The following LSAMP variants were observed in gnomAD, a reference collection of about 807,000 sequenced individuals.
LSAMP encodes the protein limbic system associated membrane protein.
LSAMP carries 7 observed loss-of-function variants against 38.6 expected under a neutral mutation model. The observed-to-expected ratio is 0.18, with a 90% confidence interval of 0.10 to 0.34. The LOEUF is 0.34. Among genes scored for constraint, LSAMP ranks in the 10% least tolerant of loss-of-function variants. LSAMP has a pLI of 1.00. For missense variants in LSAMP, 313 were observed against 420.0 expected (o/e 0.75, Z 2.23); for synonymous variants, 154 against 166.8 (o/e 0.92, Z 0.59).
chr3:116,375,806 G>A (rs963489801), intron 1 of LSAMP, among the ~76,000 whole-genome samples: 3 of 151,652 alleles, frequency 2.0e-5, no homozygotes, highest in Non-Finnish European at 2.9e-5. Context: ...TTCATCATTC[G>A]ACTCTCTTTA....
chr3:115,854,503 C>T (rs1455857734), intron 3 of LSAMP, among the ~76,000 whole-genome samples: 1 of 151,838 alleles, frequency 6.6e-6, no homozygotes, highest in East Asian at 1.9e-4. Flanking sequence ...AAGATGGTCT[C>T]GATCTCCTAA....
chr3:116,302,640 T>C (rs1274108644), intron 1 of LSAMP, among the ~76,000 whole-genome samples: 2 of 152,246 alleles, frequency 1.3e-5, no homozygotes, highest in African/African-American at 4.8e-5. Context: ...TATGGTGTTT[T>C]ATCACGTGTT....
chr3:116,241,770 G>T (rs1418086443), intron 1 of LSAMP, among the ~76,000 whole-genome samples: 1 of 152,166 alleles, frequency 6.6e-6, no homozygotes. Context: ...AGCAAATGTT[G>T]TCCACTGCAT....
At chr3:116,209,380 G>T (rs546095200) in intron 1 of LSAMP, among the ~76,000 whole-genome samples, 1 of 152,232 alleles carries the variant, frequency 6.6e-6, no homozygotes, top group Non-Finnish European at 1.5e-5. Context: ...CACGCTGGGA[G>T]CTGTAGACCG....
In LSAMP at chr3:115,807,334, C is replaced by A. The variant is rs1309034222; in HGVS notation, c.*2983G>T. On this transcript the variant is annotated 3_prime_UTR_variant, in exon 7 of 7. Transcript: ENST00000490035. ...ACAATGTTTTCTCTGAAACAGGAAC[C>A]AGAAGCAAATTTTTAAAATTTCAAG... 1.3e-5 allele frequency: 2 copies of A among 152,200 alleles called. No homozygotes were observed. The highest frequency in any genetic ancestry group is 2.4e-5 in the African/African-American group (1 of 41,534). 9.4% of individuals were successfully genotyped at this position (152,200 alleles called of 1,614,324 possible). A position where few individuals can be genotyped will look rare whatever the true frequency, so the allele number is the denominator to read the frequency against.
chr3:116,083,030 A>T (rs1162295814), intron 2 of LSAMP, among the ~76,000 whole-genome samples: 7 of 152,160 alleles, frequency 4.6e-5, no homozygotes, highest in Non-Finnish European at 7.3e-5. Flanking sequence ...TAATTTTTTT[A>T]AAAAAGAAGC....
intron 1 of LSAMP, among the ~76,000 whole-genome samples, chr3:116,281,946 T>G (rs1259010589): frequency 6.6e-6 from 1 of 152,200 alleles, no homozygotes; most frequent in African/African-American, 2.4e-5. Context: ...TAATTAACCT[T>G]CTGACACTGT....
At chr3:115,837,018 T>A (rs529901578) in intron 6 of LSAMP, among the ~76,000 whole-genome samples, 1 of 152,194 alleles carries the variant, frequency 6.6e-6, no homozygotes, top group South Asian at 2.1e-4. Context: ...CTGAGCTCAT[T>A]ACAGGCTTCA....
At chr3:116,273,705 T>TACACAC in intron 1 of LSAMP, among the ~76,000 whole-genome samples, 1 of 113,598 alleles carries the variant, frequency 8.8e-6, no homozygotes, top group South Asian at 2.5e-4. Flanking sequence ...TATATATATA[T>TACACAC]ATACACACAC....
rs377362832 is a variant in LSAMP, at chr3:115,804,054, A to G, written c.*6263T>C. On this transcript the variant is annotated 3_prime_UTR_variant, in exon 7 of 7. Transcript: ENST00000490035. ...CAAGGAAACAACCCCAGCTATGTCA[A>G]TGTCCTTAGTGTAATTTGAATGTGT... The G allele has an allele frequency of 6.6e-6, 1 of 152,214 alleles. No individual in the cohort carries two copies. Among genetic ancestry groups the G allele is most frequent in the East Asian group, 1.9e-4 (1 of 5,202 alleles). 9.4% of individuals were successfully genotyped at this position (152,214 alleles called of 1,614,324 possible). A position where few individuals can be genotyped will look rare whatever the true frequency, so the allele number is the denominator to read the frequency against.
At chr3:115,990,031 G>T (rs527690379) in intron 3 of LSAMP, among the ~76,000 whole-genome samples, 160 of 152,172 alleles carry the variant, frequency 1.1e-3, no homozygotes, top group African/African-American at 3.6e-3. Context: ...GAGCTACAGA[G>T]ATTTCTGAAC....
chr3:115,846,037 A>G (rs1028957887), intron 4 of LSAMP, among the ~76,000 whole-genome samples: 2 of 152,176 alleles, frequency 1.3e-5, no homozygotes, highest in Non-Finnish European at 2.9e-5. Context: ...TTATTTTTTC[A>G]TGGCTTATTG....
rs569899401 is a variant in LSAMP at position 115,818,559 on chromosome 3, A to G, written c.920-8145T>C. On this transcript the variant is annotated intron_variant, in intron 6 of 6. Coordinates refer to ENST00000490035, the MANE Select transcript of LSAMP (RefSeq NM_002338.5). ...TAAATTTGTGCTATGAATTAGATCAATTAATCAACATACTATACTTACAAT... is the reference window on the plus strand; with the variant it reads ...TAAATTTGTGCTATGAATTAGATCAGTTAATCAACATACTATACTTACAAT... 1.0e-3 allele frequency among the ~76,000 whole-genome samples: 156 copies of G among 151,824 alleles called. 1 individual carries two copies. The highest frequency in any genetic ancestry group is 3.6e-3 in the African/African-American group (151 of 41,438).
chr3:115,810,187 AAC>A lies in LSAMP; in HGVS notation c.*128_*129del. Reference sequence around the variant, plus strand: ...TTTCTTATTTCCCCCTTCATGTATAAACACACAAAGTTGTGAAATAAACGGTC... The same window carrying A: ...TTTCTTATTTCCCCCTTCATGTATAAACACAAAGTTGTGAAATAAACGGTC... On this transcript the variant is annotated 3_prime_UTR_variant, in exon 7 of 7. Coordinates refer to ENST00000490035, the MANE Select transcript of LSAMP (RefSeq NM_002338.5). 4.8e-6 allele frequency: 3 copies of A among 627,684 alleles called. No homozygotes were observed. Among genetic ancestry groups the A allele is most frequent in the Non-Finnish European group, 5.5e-6 (2 of 361,414 alleles). 38.9% of individuals were successfully genotyped at this position (627,684 alleles called of 1,614,324 possible). A position where few individuals can be genotyped will look rare whatever the true frequency, so the allele number is the denominator to read the frequency against.
intron 1 of LSAMP, among the ~76,000 whole-genome samples, chr3:116,383,141 A>C (rs2048583478): frequency 6.6e-6 from 1 of 152,130 alleles, no homozygotes; most frequent in African/African-American, 2.4e-5. Flanking sequence ...ATAAATGAGA[A>C]ACTCTTCTGC....
In LSAMP at chr3:115,808,036, T is replaced by A. The variant is rs1933669725; in HGVS notation, c.*2281A>T. On this transcript the variant is annotated 3_prime_UTR_variant, in exon 7 of 7. Coordinates refer to ENST00000490035, the MANE Select transcript of LSAMP (RefSeq NM_002338.5). ...AATCCCTTAGAAGAAATTGAAGAAATTAACAATGCTACTTAGATCTTTCTC... is the reference window on the plus strand; with the variant it reads ...AATCCCTTAGAAGAAATTGAAGAAAATAACAATGCTACTTAGATCTTTCTC... The A allele has an allele frequency of 6.6e-6, 1 of 151,354 alleles. No individual in the cohort carries two copies. The highest frequency in any genetic ancestry group is 1.5e-5 in the Non-Finnish European group (1 of 67,898). The allele number at this position is 151,354 out of a possible 1,614,324, so 9.4% of individuals were successfully genotyped here. A position where few individuals can be genotyped will look rare whatever the true frequency, so the allele number is the denominator to read the frequency against.
At chr3:116,126,022 G>T (rs1708999806) in intron 1 of LSAMP, among the ~76,000 whole-genome samples, 1 of 152,152 alleles carries the variant, frequency 6.6e-6, no homozygotes, top group Non-Finnish European at 1.5e-5. Context: ...TTGCAGACTG[G>T]ATTCTTCTGC....
At chr3:116,020,765 G>T (rs1305106062) in intron 2 of LSAMP, among the ~76,000 whole-genome samples, 1 of 152,076 alleles carries the variant, frequency 6.6e-6, no homozygotes, top group African/African-American at 2.4e-5. Flanking sequence ...CAAATAGCAG[G>T]GTTTATAGTT....
intron 1 of LSAMP, among the ~76,000 whole-genome samples, chr3:116,119,798 T>A (rs937204028): frequency 6.6e-6 from 1 of 151,848 alleles, no homozygotes; most frequent in Non-Finnish European, 1.5e-5. Context: ...GTAGCTGGGA[T>A]TGTAGATGTG....
Sources: allele counts gnomAD v4.1 joint callset (sites outside exome capture counted in the v4.1 genomes callset), GRCh38; gene constraint gnomAD v4.1.1; transcripts MANE v1.5; gene names NCBI Gene and HGNC (gene_info 2026-07-23, HGNC 2026-07-21).